POU5F1B: variants seen among roughly 807,000 people sequenced by gnomAD.
The protein encoded by POU5F1B is POU domain, class 5, transcription factor 1B.
Under a neutral mutation model 28.1 loss-of-function variants are expected in POU5F1B, and 24 were observed. The observed-to-expected ratio is 0.85, with a 90% CI of 0.62 to 1.20. The LOEUF is 1.20. Ranked by LOEUF, POU5F1B falls within the 50% of genes most tolerant of loss-of-function variation. The pLI, the probability that POU5F1B is intolerant of heterozygous loss-of-function variation, is 0.00. For synonymous variants in POU5F1B, 220 were observed against 193.2 expected, an observed-to-expected ratio of 1.14 and a Z score of -1.15; for missense variants, 451 against 451.5, an observed-to-expected ratio of 1.00 and a Z score of 0.01.
At chr8:127,417,109 G>C in exon 3 of POU5F1B, 1 of 1,001,986 alleles carries the variant, frequency 1.0e-6, no homozygotes, top group South Asian at 1.7e-5. Flanking sequence ...ACTGGTTGGA[G>C]GGAAGGTGAA....
exon 3 of POU5F1B, chr8:127,415,823 T>G (rs752846168): frequency 1.5e-5 from 22 of 1,475,534 alleles, no homozygotes; most frequent in Admixed American, 5.3e-5. Flanking sequence ...GTAACATAAT[T>G]GCTCATTTCA....
chr8:127,416,618 A>G (rs1162905072), exon 3 of POU5F1B: 41 of 1,599,152 alleles, frequency 2.6e-5, no homozygotes, highest in Non-Finnish European at 3.3e-5. Context: ...TTGTTCCTGC[A>G]GTGCCCGAAA....
chr8:127,415,995 A>G (rs745755611), exon 3 of POU5F1B: 2 of 1,591,452 alleles, frequency 1.3e-6, no homozygotes, highest in Non-Finnish European at 1.7e-6. Flanking sequence ...GCCCTCCTGG[A>G]GGGCCAGGAA....
exon 3 of POU5F1B, chr8:127,415,734 T>A: frequency 7.3e-7 from 1 of 1,373,968 alleles, no homozygotes; most frequent in African/African-American, 1.5e-5. Flanking sequence ...CAACATTTAA[T>A]GATGCTTCAG....
intron 1 of POU5F1B, among the ~76,000 whole-genome samples, chr8:127,413,877 C>CACACAT (rs1815095100): frequency 1.3e-5 from 2 of 152,080 alleles, no homozygotes; most frequent in South Asian, 4.2e-4. Flanking sequence ...CACACACACA[C>CACACAT]ACAACACCCG....
At chr8:127,413,705 A>ATACT (rs1815092566) in intron 1 of POU5F1B, among the ~76,000 whole-genome samples, 1 of 152,230 alleles carries the variant, frequency 6.6e-6, no homozygotes, top group Non-Finnish European at 1.5e-5. Context: ...CTAGGTAGCT[A>ATACT]TACTTACCAG....
At chr8:127,414,109 G>A (rs1312063899) in intron 1 of POU5F1B, among the ~76,000 whole-genome samples, 1 of 152,142 alleles carries the variant, frequency 6.6e-6, no homozygotes, top group Non-Finnish European at 1.5e-5. Context: ...AGAATCTAGA[G>A]GTAAAGTCAT....
exon 3 of POU5F1B, chr8:127,416,060 C>A: frequency 6.2e-7 from 1 of 1,610,910 alleles, no homozygotes. Flanking sequence ...CCTTGCCCCC[C>A]GCCGTATGAG....
chr8:127,416,610 G>T, exon 3 of POU5F1B: 1 of 1,599,856 alleles, frequency 6.3e-7, no homozygotes, highest in Non-Finnish European at 8.5e-7. Context: ...TGGAGAATTT[G>T]TTCCTGCAGT....
chr8:127,414,806 T>C (rs1485021551), intron 1 of POU5F1B: 2 of 152,214 alleles, frequency 1.3e-5, no homozygotes, highest in Non-Finnish European at 2.9e-5. Context: ...ATGAATAAAA[T>C]ATGGCACAAG....
exon 3 of POU5F1B, chr8:127,416,127 A>G (rs1023834179): frequency 1.9e-6 from 3 of 1,613,610 alleles, no homozygotes; most frequent in Non-Finnish European, 2.5e-6. Context: ...TAGTGCCCCA[A>G]GGCGGCTTGG....
rs778540580 is a variant in POU5F1B at position 127,416,131 on chromosome 8, G to A, written c.265G>A (p.Gly89Ser). ...TGGAGTGGGGCTAGTGCCCCAAGGC[G>A]GCTTGGAGACCTCTCAGCCTGAGAG... The change falls in exon 3 of 3, where the codon GGC (glycine) becomes AGC (serine). Residue 89 changes from glycine to serine, a missense_variant. By Grantham distance (56) the Gly-to-Ser change is moderately conservative. Coordinates refer to ENST00000465342, the Ensembl canonical transcript of POU5F1B. The A allele has an allele frequency of 6.0e-5, 97 of 1,613,496 alleles. No homozygotes were observed. The highest frequency in any genetic ancestry group is 2.7e-4 in the Admixed American group (16 of 59,992).
intron 2 of POU5F1B, chr8:127,415,055 A>G (rs1376740840): frequency 6.6e-6 from 1 of 152,268 alleles, no homozygotes; most frequent in Admixed American, 6.5e-5. Flanking sequence ...TGGATCCTCC[A>G]GCCCCCGTTA....
rs774375118 is a variant in POU5F1B at position 127,416,461 on chromosome 8, A to G, written c.595A>G (p.Lys199Glu). 74 of 1,609,236 alleles carry G rather than the reference A, an allele frequency of 4.6e-5. No individual in the cohort carries two copies. Among genetic ancestry groups the G allele is most frequent in the Non-Finnish European group, 6.1e-5 (72 of 1,177,524 alleles). Residue 199 changes from lysine (K) to glutamate (E), a missense_variant, in exon 3 of 3, where the codon AAG becomes GAG. Coordinates refer to ENST00000465342, the Ensembl canonical transcript of POU5F1B. ...GCAGCTTAGCTTCAAGAACATGTGT[A>G]AGCTGCGGCCCTTGCTGCAGAAGTG...
Position 127,416,344 on chromosome 8 carries a change from C to T in POU5F1B, c.478C>T (p.Leu160=), listed in dbSNP as rs752192997. Reference sequence around the variant, plus strand: ...GCTCCTGAAGCAGAAGAGGATCACCCTGGGATATACACAGGCCGATGTGGG... The same window carrying T: ...GCTCCTGAAGCAGAAGAGGATCACCTTGGGATATACACAGGCCGATGTGGG... The change falls in exon 3 of 3, where the codon CTG becomes TTG. Residue 160 remains leucine, a synonymous_variant. Coordinates refer to ENST00000465342, the Ensembl canonical transcript of POU5F1B. 1,247 of 1,612,166 alleles carry T rather than the reference C, an allele frequency of 7.7e-4. 1 individual carries two copies. The highest frequency in any genetic ancestry group is 1.0e-3 in the Non-Finnish European group (1,190 of 1,179,066).
rs769533326 is a variant in POU5F1B, at chr8:127,416,884, G to T, written c.1018G>T (p.Glu340Ter). The T allele has an allele frequency of 6.2e-7, 1 of 1,600,250 alleles. No individual in the cohort carries two copies. The highest frequency in any genetic ancestry group is 1.1e-5 in the South Asian group (1 of 88,300). Reference sequence around the variant, plus strand: ...ACTGTACTCCTCAGTCCCTTTCCCTGAGGGGGAAGTCTTTCCCCCAGTCTC... The same window carrying T: ...ACTGTACTCCTCAGTCCCTTTCCCTTAGGGGGAAGTCTTTCCCCCAGTCTC... Residue 340 changes from glutamate (E) to a stop codon, truncating the protein, a stop_gained, in exon 3 of 3, where the codon GAG becomes TAG. Coordinates refer to ENST00000465342, the Ensembl canonical transcript of POU5F1B. LOFTEE classifies it high-confidence loss of function.
chr8:127,415,489 A>C, exon 3 of POU5F1B: 1 of 201,700 alleles, frequency 5.0e-6, no homozygotes, highest in Non-Finnish European at 9.9e-6. Context: ...AGCACAGAAC[A>C]CAAGTAGATG....
exon 3 of POU5F1B, chr8:127,416,414 C>A: frequency 6.2e-7 from 1 of 1,607,662 alleles, no homozygotes; most frequent in East Asian, 2.2e-5. Context: ...AGCCAAAAGA[C>A]CATCTGCCGC....
chr8:127,414,329 G>T (rs577360361), intron 1 of POU5F1B, among the ~76,000 whole-genome samples: 1 of 152,288 alleles, frequency 6.6e-6, no homozygotes, highest in Admixed American at 6.5e-5. Context: ...ATAGAATCAG[G>T]AATTGTTTTG....
Sources: gnomAD v4.1 joint callset for allele counts (sites outside exome capture counted in the v4.1 genomes callset) on GRCh38, gnomAD v4.1.1 for gene constraint, MANE v1.5 for transcripts, NCBI Gene and HGNC (gene_info 2026-07-23, HGNC 2026-07-21) for gene names.